Variants in HIPK3 observed in about 807,000 individuals in gnomAD.
HIPK3 encodes the protein homeodomain-interacting protein kinase 3.
A neutral mutation model predicts 124.2 loss-of-function variants in HIPK3; 47 were observed. That is an observed-to-expected ratio of 0.38 (90% CI 0.30 to 0.48). The LOEUF is 0.48. HIPK3 is among the 20% of genes least tolerant of loss of function. The probability of loss-of-function intolerance (pLI) is 0.98; values close to 1 mark genes in which losing one functional copy is unlikely to be tolerated. For missense variants in HIPK3, 1,286 were observed against 1,454.3 expected (o/e 0.88, Z 1.88); for synonymous variants, 482 against 515.2 (o/e 0.94, Z 0.87).
At chr11:33,307,433 C>G (rs1852195499) in intron 2 of HIPK3, among the ~76,000 whole-genome samples, 1 of 138,962 alleles carries the variant, frequency 7.2e-6, no homozygotes, top group Non-Finnish European at 1.5e-5. Flanking sequence ...GAGTCTTGCT[C>G]TGTCGCCCAG....
chr11:33,257,180 G>A (rs1028036200), upstream of HIPK3: 37 of 944,112 alleles, frequency 3.9e-5, no homozygotes, highest in Middle Eastern at 5.4e-4. Context: ...CGCACGGGCT[G>A]GCAGGCGGGC....
intron 1 of HIPK3, among the ~76,000 whole-genome samples, chr11:33,264,986 G>A (rs1349635683): frequency 6.6e-6 from 1 of 152,118 alleles, no homozygotes; most frequent in Non-Finnish European, 1.5e-5. Context: ...GATATATAAT[G>A]CTACAGTTTT....
At chr11:33,297,866 T>C (rs990433397) in intron 2 of HIPK3, among the ~76,000 whole-genome samples, 2 of 150,480 alleles carry the variant, frequency 1.3e-5, no homozygotes, top group African/African-American at 4.9e-5. Flanking sequence ...CCTGGCTCAT[T>C]GCAACCTCTA....
chr11:33,340,937 T>A, intron 6 of HIPK3, 31 bp from the exon 7 acceptor site: 1 of 1,352,140 alleles, frequency 7.4e-7, no homozygotes, highest in East Asian at 2.4e-5. Flanking sequence ...TTTAAAATAA[T>A]ACTGTAATAC....
intron 1 of HIPK3, among the ~76,000 whole-genome samples, chr11:33,279,974 T>C (rs1487252475): frequency 6.6e-6 from 1 of 152,152 alleles, no homozygotes; most frequent in Non-Finnish European, 1.5e-5. Context: ...CACTTCTTAA[T>C]ACCATCACTT....
chr11:33,325,311 C>T (rs762662887), intron 2 of HIPK3, among the ~76,000 whole-genome samples: 15 of 152,126 alleles, frequency 9.9e-5, no homozygotes, highest in Non-Finnish European at 1.9e-4. Context: ...TTGCCAAATG[C>T]GATACTGAAA....
chr11:33,329,340 G>A (rs1223705642), intron 3 of HIPK3, among the ~76,000 whole-genome samples: 1 of 152,014 alleles, frequency 6.6e-6, no homozygotes. Flanking sequence ...GAAAATGCTA[G>A]TCAAAATCAA....
intron 2 of HIPK3, 51 bp from the exon 3 acceptor site, chr11:33,328,459 G>A: frequency 6.3e-7 from 1 of 1,576,854 alleles, no homozygotes; most frequent in Non-Finnish European, 8.7e-7. Flanking sequence ...TTGAAATTAG[G>A]TAATTTTAGA....
At chr11:33,344,463 C>T (rs1319638880) in intron 8 of HIPK3, among the ~76,000 whole-genome samples, 3 of 152,144 alleles carry the variant, frequency 2.0e-5, no homozygotes, top group African/African-American at 4.8e-5. Flanking sequence ...TTCGGAGACA[C>T]ATTTCTAAAC....
chr11:33,355,923 CTATT>C lies in HIPK3; in HGVS notation c.*2358_*2361del, dbSNP rs968233571. On this transcript the variant is annotated 3_prime_UTR_variant, in exon 17 of 17. Transcript: ENST00000303296. The stretch of plus-strand genomic sequence containing the variant: ...TACAGATGACACATTTATGGGGTCA[CTATT>C]TAAGTAAATTTGCTGCCCTCCACAG... The C allele has an allele frequency of 1.3e-4, 19 of 151,964 alleles. No homozygotes were observed. Among genetic ancestry groups the C allele is most frequent in the South Asian group, 4.1e-4 (2 of 4,826 alleles). The allele number at this position is 151,964 out of a possible 1,614,324, so 9.4% of individuals were successfully genotyped here. A position where few individuals can be genotyped will look rare whatever the true frequency, so the allele number is the denominator to read the frequency against.
Position 33,333,442 on chromosome 11 carries a change from G to T in HIPK3, c.1222-3633G>T, listed in dbSNP as rs960373505. Among the ~76,000 whole-genome samples the T allele has an allele frequency of 1.5e-4, 23 of 152,106 alleles. 1 individual carries two copies. The highest frequency in any genetic ancestry group is 5.3e-4 in the African/African-American group (22 of 41,402). On this transcript the variant is annotated intron_variant, in intron 3 of 16. Coordinates refer to ENST00000303296, the MANE Select transcript of HIPK3 (RefSeq NM_005734.5). ...TTAGCTCATCCCCCAAGAGTCATTG[G>T]TATTTCTTAGTTCACATTTCTGACA...
chr11:33,317,784 A>G (rs1353164471), intron 2 of HIPK3, among the ~76,000 whole-genome samples: 1 of 152,174 alleles, frequency 6.6e-6, no homozygotes, highest in East Asian at 1.9e-4. Context: ...TGTTACAAGT[A>G]TAGGGGTTTA....
intron 3 of HIPK3, 86 bp from the exon 4 acceptor site, chr11:33,336,989 C>A: frequency 1.1e-6 from 1 of 920,124 alleles, no homozygotes; most frequent in Non-Finnish European, 1.6e-6. Flanking sequence ...ATTTTCATAC[C>A]TGACCTAACA....
intron 1 of HIPK3, among the ~76,000 whole-genome samples, chr11:33,283,223 G>C (rs1445250803): frequency 6.6e-6 from 1 of 151,614 alleles, no homozygotes; most frequent in Non-Finnish European, 1.5e-5. Context: ...CCATTCTCCT[G>C]CCTCAGCCTC....
intron 2 of HIPK3, among the ~76,000 whole-genome samples, chr11:33,306,812 T>C (rs933242714): frequency 7.9e-5 from 12 of 152,216 alleles, no homozygotes; most frequent in Admixed American, 1.3e-4. Flanking sequence ...AGTAATGATA[T>C]GATGATAGGG....
At chr11:33,276,713 T>G (rs1851279789) in intron 1 of HIPK3, among the ~76,000 whole-genome samples, 1 of 152,160 alleles carries the variant, frequency 6.6e-6, no homozygotes. Context: ...TTTATTATTC[T>G]TATTTTTTTT....
At chr11:33,288,447 C>T (rs1182222818) in intron 2 of HIPK3, among the ~76,000 whole-genome samples, 1 of 152,134 alleles carries the variant, frequency 6.6e-6, no homozygotes, top group Non-Finnish European at 1.5e-5. Flanking sequence ...AAGAGCAAAA[C>T]TCTGTCTCAA....
In HIPK3 at chr11:33,287,406, T is replaced by C. The variant is rs565513802; in HGVS notation, c.992T>C (p.Val331Ala). 3 of 1,614,176 alleles carry C rather than the reference T, an allele frequency of 1.9e-6. No homozygotes were observed. The South Asian group carries it at 3.3e-5, about 18-fold the overall frequency. The change falls in exon 2 of 17, where the codon GTG becomes GCG. Residue 331 changes from valine to alanine, a missense_variant. This residue lies in a region of HIPK3 where 251 missense variants were observed against 349.1 expected (regional missense o/e 0.72). Transcript: ENST00000303296. ...ADLKPENIML[V>A]DPVRQPYRVK... Reference sequence around the variant, plus strand: ...CTCAAGCCAGAGAATATTATGTTGGTGGATCCTGTTCGGCAGCCTTACAGG... The same window carrying C: ...CTCAAGCCAGAGAATATTATGTTGGCGGATCCTGTTCGGCAGCCTTACAGG...
At chr11:33,264,454 C>T (rs1034333698) in intron 1 of HIPK3, among the ~76,000 whole-genome samples, 1 of 148,858 alleles carries the variant, frequency 6.7e-6, no homozygotes, top group Non-Finnish European at 1.5e-5. Context: ...GAAACTTTTC[C>T]ATTTCTAATC....
Sources: gnomAD v4.1 joint callset for allele counts (sites outside exome capture counted in the v4.1 genomes callset) on GRCh38, gnomAD v4.1.1 for gene constraint, gnomAD v4.1.1 regional missense constraint, MANE v1.5 for transcripts, NCBI Gene and HGNC (gene_info 2026-07-23, HGNC 2026-07-21) for gene names.